The following HAPSTR1 variants were observed in gnomAD, a reference collection of about 807,000 sequenced individuals.
HAPSTR1 encodes the protein HUWE1 associated protein modifying stress responses.
At chr16:9,092,405 G>C in the HAPSTR1 span, 1 of 765,282 alleles carries the variant, frequency 1.3e-6, no homozygotes, top group South Asian at 6.5e-5. Context: ...TGGCTCCGCG[G>C]CCCTGCCGCC....
chr16:9,118,013 C>T, the HAPSTR1 span: 1 of 152,618 alleles, frequency 6.6e-6, no homozygotes, highest in Admixed American at 6.5e-5. Context: ...GATGGAATCG[C>T]ATGGAGATTC....
chr16:9,108,754 T>G, the HAPSTR1 span: 1 of 152,226 alleles, frequency 6.6e-6, no homozygotes, highest in Non-Finnish European at 1.5e-5. Flanking sequence ...AGTCTTTGTG[T>G]ATAGGCTATT....
the HAPSTR1 span, among the ~76,000 whole-genome samples, chr16:9,101,878 T>G: frequency 6.6e-6 from 1 of 152,104 alleles, no homozygotes. Flanking sequence ...TCCCCAGCAC[T>G]TTGGGAGGCT....
the HAPSTR1 span, chr16:9,105,890 G>C: frequency 6.6e-6 from 1 of 152,166 alleles, no homozygotes; most frequent in African/African-American, 2.4e-5. Context: ...TTTAAGAGAG[G>C]ACAGTTTTCC....
the HAPSTR1 span, chr16:9,120,484 G>A: frequency 7.7e-6 from 1 of 129,638 alleles, no homozygotes. Context: ...TCCTATAATG[G>A]GATCTGCAGG....
At chr16:9,120,664 T>C in the HAPSTR1 span, 1 of 149,582 alleles carries the variant, frequency 6.7e-6, no homozygotes, top group Non-Finnish European at 1.5e-5. Flanking sequence ...AGAAGTAATA[T>C]GGTGAAATCT....
chr16:9,116,163 G>A, the HAPSTR1 span, among the ~76,000 whole-genome samples: 231 of 152,252 alleles, frequency 1.5e-3, no homozygotes, highest in Non-Finnish European at 2.6e-3. Context: ...GTTTTGGATG[G>A]CAAGTTATGT....
chr16:9,121,615 A>C, the HAPSTR1 span: 2 of 152,262 alleles, frequency 1.3e-5, no homozygotes, highest in Non-Finnish European at 2.9e-5. Flanking sequence ...AAACATAGAA[A>C]AATAAATTAA....
chr16:9,092,371 G>C, the HAPSTR1 span: 2 of 1,082,314 alleles, frequency 1.8e-6, no homozygotes, highest in African/African-American at 1.7e-5. Flanking sequence ...CCGCGACGGC[G>C]GCGGCCTCGG....
chr16:9,102,126 C>T, the HAPSTR1 span, among the ~76,000 whole-genome samples: 1,742 of 152,140 alleles, frequency 0.011, 18 homozygotes, highest in Non-Finnish European at 0.019. Flanking sequence ...TAAAATAAAA[C>T]GAAATAATCA....
At chr16:9,105,296 T>C in the HAPSTR1 span, 2 of 152,234 alleles carry the variant, frequency 1.3e-5, no homozygotes, top group Admixed American at 1.3e-4. Context: ...AAATTTATAA[T>C]GTAGCACTAA....
At chr16:9,093,448 A>G in the HAPSTR1 span, among the ~76,000 whole-genome samples, 1 of 152,318 alleles carries the variant, frequency 6.6e-6, no homozygotes. Flanking sequence ...TGTTTTTTGT[A>G]CTACAGTCGG....
At chr16:9,092,339 G>C in the HAPSTR1 span, 2 of 1,236,166 alleles carry the variant, frequency 1.6e-6, no homozygotes, top group Non-Finnish European at 2.0e-6. Flanking sequence ...GGCCCTATCG[G>C]CTCAGCGGCC....
chr16:9,120,933 A>T, the HAPSTR1 span: 22 of 152,144 alleles, frequency 1.4e-4, no homozygotes, highest in African/African-American at 5.3e-4. Flanking sequence ...GCCTTGATGC[A>T]GGTTACAGAT....
At chr16:9,092,913 C>A in the HAPSTR1 span, 1 of 1,479,902 alleles carries the variant, frequency 6.8e-7, no homozygotes, top group Admixed American at 2.2e-5. Context: ...TTTTGGCTTG[C>A]TTTTCAGACC....
At chr16:9,097,175 G>C in the HAPSTR1 span, among the ~76,000 whole-genome samples, 1 of 151,884 alleles carries the variant, frequency 6.6e-6, no homozygotes, top group African/African-American at 2.4e-5. Flanking sequence ...CCTGACCTCA[G>C]GTGATCCGCC....
the HAPSTR1 span, chr16:9,093,099 G>T: frequency 8.3e-7 from 1 of 1,211,942 alleles, no homozygotes; most frequent in Non-Finnish European, 1.2e-6. Flanking sequence ...CCCCAGCCCA[G>T]CTGCTAACCT....
At chr16:9,092,335 A>C in the HAPSTR1 span, 6 of 1,278,798 alleles carry the variant, frequency 4.7e-6, no homozygotes, top group Non-Finnish European at 4.0e-6. Flanking sequence ...CCCCGGCCCT[A>C]TCGGCTCAGC....
chr16:9,107,998 G>C, the HAPSTR1 span: 5 of 152,178 alleles, frequency 3.3e-5, no homozygotes, highest in South Asian at 2.1e-4. Flanking sequence ...CTCTAGAAAG[G>C]GTTGAGGATT....
Sources: allele counts gnomAD v4.1 joint callset (sites outside exome capture counted in the v4.1 genomes callset), GRCh38; gene constraint gnomAD v4.1.1; transcripts MANE v1.5; gene names NCBI Gene and HGNC (gene_info 2026-07-23, HGNC 2026-07-21).